The following SCGB2B2 variants were observed in gnomAD, a reference collection of about 807,000 sequenced individuals.
SCGB2B2 encodes the protein secretoglobin family 2B member 2, also known as secretoglobin-like protein.
In SCGB2B2, 11 loss-of-function variants were observed where a neutral mutation model predicts 7.6. The observed-to-expected ratio is 1.45, with a 90% CI of 0.91 to 2.40. The LOEUF is 2.40. Ranked by LOEUF, SCGB2B2 falls within the 30% of genes most tolerant of loss-of-function variation. The probability of loss-of-function intolerance (pLI) is 0.00; values close to 1 mark genes in which losing one functional copy is unlikely to be tolerated. For synonymous variants in SCGB2B2, 50 were observed against 48.6 expected (o/e 1.03, Z -0.12); for missense variants, 104 against 115.4 (o/e 0.90, Z 0.45).
chr19:34,594,510 G>A lies in SCGB2B2; in HGVS notation c.54C>T (p.Val18=). 1 of 1,613,810 alleles carries A rather than the reference G, an allele frequency of 6.2e-7. No individual in the cohort carries two copies. Among genetic ancestry groups the A allele is most frequent in the East Asian group, 2.2e-5 (1 of 44,882 alleles). ...TGCTCGCCTCTTTCTTACCCAGCTGGACGCTGCAGATCAGAGCCAGCAGAA... is the reference window on the plus strand; with the variant it reads ...TGCTCGCCTCTTTCTTACCCAGCTGAACGCTGCAGATCAGAGCCAGCAGAA... ...CALLLALICS[V]QLGDACLDID... The change falls in exon 2 of 4, where the codon GTC becomes GTT. Residue 18 remains valine (V), a synonymous_variant. Coordinates refer to ENST00000601241, the MANE Select transcript of SCGB2B2 (RefSeq NM_001025591.4).
chr19:34,610,983 A>C (rs1302084857), intron 1 of SCGB2B2, among the ~76,000 whole-genome samples: 1 of 152,010 alleles, frequency 6.6e-6, no homozygotes, highest in East Asian at 1.9e-4. Context: ...ATTTTATTAG[A>C]GATTCAATCT....
At position 34,652,018 on chromosome 19, in the gene SCGB2B2, T is replaced by C. The variant is rs2067173131; in HGVS notation, c.-2032+23612A>G. Among the ~76,000 whole-genome samples, 3 of 151,032 alleles carry C rather than the reference T, an allele frequency of 2.0e-5. No homozygotes were observed. In the South Asian group the frequency reaches 6.2e-4, roughly 31 times the overall value. ...ATTTTCAACAAAGGCACCAAGAACA[T>C]TTACTGGTGAATGGACAGTCTCTTC... On this transcript the variant is annotated intron_variant, in intron 1 of 3. Transcript: ENST00000601241.
intron 1 of SCGB2B2, among the ~76,000 whole-genome samples, chr19:34,662,764 C>T (rs545486910): frequency 1.6e-4 from 25 of 152,002 alleles, no homozygotes; most frequent in Non-Finnish European, 3.2e-4. Context: ...AAATCCGTCT[C>T]TACTGAAAAT....
intron 1 of SCGB2B2, among the ~76,000 whole-genome samples, chr19:34,625,982 C>T (rs1408479347): frequency 6.6e-6 from 1 of 152,212 alleles, no homozygotes; most frequent in Non-Finnish European, 1.5e-5. Context: ...GTTCTGCAGC[C>T]TCCGCTGCTG....
At chr19:34,602,301 T>C (rs12610509) in intron 1 of SCGB2B2, among the ~76,000 whole-genome samples, 11,589 of 152,266 alleles carry the variant, frequency 0.076, 659 homozygotes, top group East Asian at 0.28. Context: ...TCTGCCTTAA[T>C]TGGTATCATT....
chr19:34,631,321 A>AC (rs2066528025), intron 1 of SCGB2B2, among the ~76,000 whole-genome samples: 1 of 146,412 alleles, frequency 6.8e-6, no homozygotes. Context: ...TTTTTTTACA[A>AC]TTTTTTTTTT....
chr19:34,659,938 A>C (rs2146127975), intron 1 of SCGB2B2, among the ~76,000 whole-genome samples: 1 of 152,354 alleles, frequency 6.6e-6, no homozygotes, highest in Non-Finnish European at 1.5e-5. Flanking sequence ...AAACAGATAT[A>C]TAGACCAATG....
Position 34,676,193 on chromosome 19 carries a change from A to C in SCGB2B2, c.-2595T>G, listed in dbSNP as rs1390528787. On this transcript the variant is annotated 5_prime_UTR_variant, in exon 1 of 4. Coordinates refer to ENST00000601241, the MANE Select transcript of SCGB2B2 (RefSeq NM_001025591.4). Reference sequence around the variant, plus strand: ...CTGACTGGTGCATTTACAAACCTTTAGCTAGACACAGAGCACTGATTGGTG... The same window carrying C: ...CTGACTGGTGCATTTACAAACCTTTCGCTAGACACAGAGCACTGATTGGTG... 6.6e-6 allele frequency: 1 copy of C among 152,188 alleles called. No individual in the cohort carries two copies. The highest frequency in any genetic ancestry group is 1.9e-4 in the East Asian group (1 of 5,194). The allele number at this position is 152,188 out of a possible 1,614,324, so 9.4% of individuals were successfully genotyped here. A position where few individuals can be genotyped will look rare whatever the true frequency, so the allele number is the denominator to read the frequency against.
chr19:34,586,000 C>T (rs904268762), downstream of SCGB2B2, among the ~76,000 whole-genome samples: 1 of 151,906 alleles, frequency 6.6e-6, no homozygotes, highest in Non-Finnish European at 1.5e-5. Context: ...ATTACATATA[C>T]CTAAAGTGTA....
rs559717931 is a variant in SCGB2B2 at position 34,599,056 on chromosome 19, T to C, written c.-2031-2462A>G. 1.2e-4 allele frequency among the ~76,000 whole-genome samples: 18 copies of C among 152,382 alleles called. No homozygotes were observed. In the South Asian group the frequency reaches 3.7e-3, roughly 32 times the overall value. ...AATCCTGCACTCCTCCCAGCTCACC[T>C]GCTTTGCTTTTCTCCTGCACTGGGA... On this transcript the variant is annotated intron_variant, in intron 1 of 3. Transcript: ENST00000601241.
chr19:34,616,022 C>T (rs2066068023), intron 1 of SCGB2B2, among the ~76,000 whole-genome samples: 3 of 151,724 alleles, frequency 2.0e-5, no homozygotes, highest in Admixed American at 1.3e-4. Context: ...ATGAACTCAT[C>T]ATTTTTTATG....
At position 34,591,335 on chromosome 19, in the gene SCGB2B2, C is replaced by T. The variant is rs892513262; in HGVS notation, c.*2220G>A. ...ATCATTTTGATTCCCCTTCTCTCCA[C>T]ATCCTCTCCCCATATTCAATTCAAC... On this transcript the variant is annotated 3_prime_UTR_variant, in exon 4 of 4. Transcript: ENST00000601241. Among the ~76,000 whole-genome samples the T allele has an allele frequency of 2.0e-5, 3 of 152,228 alleles. No homozygotes were observed. Among genetic ancestry groups the T allele is most frequent in the Non-Finnish European group, 4.4e-5 (3 of 68,042 alleles).
chr19:34,668,434 C>T (rs1021597725), intron 1 of SCGB2B2, among the ~76,000 whole-genome samples: 1 of 152,220 alleles, frequency 6.6e-6, no homozygotes, highest in Non-Finnish European at 1.5e-5. Flanking sequence ...AGCCTCTCCC[C>T]CTCCTCTGTG....
chr19:34,622,380 G>A (rs180834428), intron 1 of SCGB2B2, among the ~76,000 whole-genome samples: 51 of 152,282 alleles, frequency 3.3e-4, no homozygotes, highest in African/African-American at 1.0e-3. Flanking sequence ...TTAGCTGCTT[G>A]CATTTCTTTT....
intron 1 of SCGB2B2, among the ~76,000 whole-genome samples, chr19:34,658,485 A>G (rs2067345939): frequency 6.6e-6 from 1 of 152,230 alleles, no homozygotes; most frequent in Non-Finnish European, 1.5e-5. Flanking sequence ...CTACACAAAT[A>G]AACTAGTAAA....
intron 1 of SCGB2B2, among the ~76,000 whole-genome samples, chr19:34,669,949 C>T (rs1233793489): frequency 2.6e-5 from 4 of 152,210 alleles, no homozygotes; most frequent in African/African-American, 9.7e-5. Context: ...ATGGGAAAAG[C>T]CAGGCAGGGC....
At chr19:34,607,938 G>A (rs2145821555) in intron 1 of SCGB2B2, among the ~76,000 whole-genome samples, 1 of 151,876 alleles carries the variant, frequency 6.6e-6, no homozygotes, top group East Asian at 1.9e-4. Flanking sequence ...TTGGCTTTTT[G>A]AGCTTTTTTG....
intron 1 of SCGB2B2, among the ~76,000 whole-genome samples, chr19:34,618,128 T>C (rs1362707490): frequency 6.6e-6 from 1 of 152,248 alleles, no homozygotes; most frequent in Non-Finnish European, 1.5e-5. Context: ...AGACCGGAGC[T>C]GTTCCTACTC....
chr19:34,603,872 A>G (rs1247161014), intron 1 of SCGB2B2, among the ~76,000 whole-genome samples: 1 of 144,630 alleles, frequency 6.9e-6, no homozygotes, highest in South Asian at 2.2e-4. Flanking sequence ...CACAGGTGAG[A>G]TGATAGCTCA....
Sources: gnomAD v4.1 joint callset for allele counts (sites outside exome capture counted in the v4.1 genomes callset) on GRCh38, gnomAD v4.1.1 for gene constraint, MANE v1.5 for transcripts, NCBI Gene and HGNC (gene_info 2026-07-23, HGNC 2026-07-21) for gene names.